The following VAV1 variants were observed in gnomAD, a reference collection of about 807,000 sequenced individuals.
The protein encoded by VAV1 is proto-oncogene vav.
In VAV1, 33 loss-of-function variants were observed where a neutral mutation model predicts 128.1. The ratio of observed to expected loss-of-function variants is 0.26; its 90% confidence interval spans 0.20 to 0.34. The LOEUF (loss-of-function observed/expected upper bound fraction) is 0.34, where lower values mean the gene tolerates loss of function less well. Among genes scored for constraint, VAV1 ranks in the 10% least tolerant of loss-of-function variants. VAV1 has a pLI of 1.00. For missense variants in VAV1, 715 were observed against 1,093.7 expected, an observed-to-expected ratio of 0.65 and a Z score of 4.88; for synonymous variants, 394 against 409.8, an observed-to-expected ratio of 0.96 and a Z score of 0.47.
chr19:6,773,641 G>A (rs1040267097), intron 1 of VAV1, among the ~76,000 whole-genome samples: 3 of 152,186 alleles, frequency 2.0e-5, no homozygotes, highest in African/African-American at 4.8e-5. Flanking sequence ...TCAGAGAGTG[G>A]GTCCTGAGGT....
Position 6,828,336 on chromosome 19 carries a change from G to A in VAV1, c.1024-83G>A. 4.4e-6 allele frequency: 7 copies of A among 1,576,412 alleles called. No homozygotes were observed. Among genetic ancestry groups the A allele is most frequent in the East Asian group, 4.5e-5 (2 of 44,652 alleles). On this transcript the variant is annotated intron_variant, in intron 10 of 26. Coordinates refer to ENST00000602142, the MANE Select transcript of VAV1 (RefSeq NM_005428.4). The surrounding 1 kb of genome is among the most constrained non-coding windows in gnomAD (Gnocchi z 4.5). ...GGTCAGCAGTACGATGGAGGAGCTGGTGAGCTAGCATTGTTTGGAAGGCCC... is the reference window on the plus strand; with the variant it reads ...GGTCAGCAGTACGATGGAGGAGCTGATGAGCTAGCATTGTTTGGAAGGCCC...
chr19:6,799,147 T>C (rs1298117991), intron 1 of VAV1, among the ~76,000 whole-genome samples: 3 of 152,058 alleles, frequency 2.0e-5, no homozygotes, highest in Non-Finnish European at 4.4e-5. Context: ...CATTCATCCC[T>C]TGATGGAGGT....
chr19:6,789,593 C>CT (rs559220122), intron 1 of VAV1, among the ~76,000 whole-genome samples: 10 of 149,988 alleles, frequency 6.7e-5, no homozygotes, highest in African/African-American at 2.2e-4. Flanking sequence ...TTTTCTTTCC[C>CT]TCCTTCCTTC....
chr19:6,805,259 T>C (rs1971366463), intron 1 of VAV1, among the ~76,000 whole-genome samples: 1 of 150,328 alleles, frequency 6.7e-6, no homozygotes, highest in Non-Finnish European at 1.5e-5. Flanking sequence ...ACCCCGTCTC[T>C]ACTAAAAATA....
Position 6,828,286 on chromosome 19 carries a change from A to T in VAV1, c.1023+115A>T. ...TCTCTAGGACGCTCGGGGATGGGTC[A>T]CTGGGGTCATGTCTCAGCCTCCAGG... On this transcript the variant is annotated intron_variant, in intron 10 of 26. Transcript: ENST00000602142. This position sits in a 1 kb window ranked among gnomAD's most constrained non-coding sequence, Gnocchi z 4.5. 6.6e-7 allele frequency: 1 copy of T among 1,504,522 alleles called. No individual in the cohort carries two copies. Among genetic ancestry groups the T allele is most frequent in the South Asian group, 1.2e-5 (1 of 85,420 alleles). The allele number at this position is 1,504,522 out of a possible 1,614,324, so 93.2% of individuals were successfully genotyped here.
chr19:6,796,137 T>C (rs1272670980), intron 1 of VAV1, among the ~76,000 whole-genome samples: 1 of 152,152 alleles, frequency 6.6e-6, no homozygotes, highest in Admixed American at 6.6e-5. Flanking sequence ...CTCAACACCA[T>C]TGCATTGGGG....
chr19:6,773,666 G>A (rs1490506575), intron 1 of VAV1, among the ~76,000 whole-genome samples: 2 of 152,200 alleles, frequency 1.3e-5, no homozygotes, highest in Non-Finnish European at 2.9e-5. Flanking sequence ...GTGCTTGGAA[G>A]AGCTGCATTT....
intron 14 of VAV1, among the ~76,000 whole-genome samples, chr19:6,831,147 C>T (rs896899804): frequency 1.3e-5 from 2 of 152,030 alleles, no homozygotes; most frequent in African/African-American, 2.4e-5. Flanking sequence ...GGAGGGGGAG[C>T]TATCTTACCT....
Position 6,822,091 on chromosome 19 carries a change from A to G in VAV1, c.450-130A>G, listed in dbSNP as rs539409401. 38 of 1,043,306 alleles carry G rather than the reference A, an allele frequency of 3.6e-5. No homozygotes were observed. The highest frequency in any genetic ancestry group is 3.5e-4 in the Admixed American group (16 of 45,446). The allele number at this position is 1,043,306 out of a possible 1,614,324, so 64.6% of individuals were successfully genotyped here. A position where few individuals can be genotyped will look rare whatever the true frequency, so the allele number is the denominator to read the frequency against. On this transcript the variant is annotated intron_variant, in intron 4 of 26. Coordinates refer to ENST00000602142, the MANE Select transcript of VAV1 (RefSeq NM_005428.4). The surrounding 1 kb of genome is among the most constrained non-coding windows in gnomAD (Gnocchi z 5.9). ...GCCCTGCCCTGGAGCTTGGAGGGAC[A>G]TGGCCTGCCCTTGGAGTCTGAGGTC...
intron 1 of VAV1, among the ~76,000 whole-genome samples, chr19:6,786,587 A>G (rs1221443869): frequency 1.3e-5 from 2 of 152,278 alleles, no homozygotes; most frequent in South Asian, 4.1e-4. Context: ...GTTTGAGATC[A>G]GCCTGGGCAT....
intron 1 of VAV1, among the ~76,000 whole-genome samples, chr19:6,790,795 A>G (rs1456005859): frequency 6.6e-6 from 1 of 152,240 alleles, no homozygotes; most frequent in African/African-American, 2.4e-5. Flanking sequence ...GGGGTGGATT[A>G]TGCAGAGATT....
chr19:6,812,206 C>G (rs950805646), intron 1 of VAV1, among the ~76,000 whole-genome samples: 4 of 152,134 alleles, frequency 2.6e-5, no homozygotes, highest in African/African-American at 9.7e-5. Flanking sequence ...GGCCTCTGCC[C>G]GAGGTAGACA....
rs548640895 is a variant in VAV1 at position 6,849,495 on chromosome 19, TG to T, written c.2130-1169del. Among the ~76,000 whole-genome samples, 4 of 100,932 alleles carry T rather than the reference TG, an allele frequency of 4.0e-5. No homozygotes were observed. The South Asian group carries it at 1.6e-3, about 41-fold the overall frequency. The allele number at this position is 100,932 out of a possible 152,430, so 66.2% of individuals were successfully genotyped here. ...TTAGTAGAGACAGTGGGGTGGGGGG[TG>T]GGGGGAAAGTTTCACCATGTTGGCC... On this transcript the variant is annotated intron_variant, in intron 23 of 26. Coordinates refer to ENST00000602142, the MANE Select transcript of VAV1 (RefSeq NM_005428.4).
At chr19:6,837,986 C>G (rs554062564) in intron 21 of VAV1, among the ~76,000 whole-genome samples, 11 of 152,252 alleles carry the variant, frequency 7.2e-5, no homozygotes, top group African/African-American at 2.2e-4. Context: ...GGTTTCTCCA[C>G]TGTCAAGTTA....
chr19:6,828,306 T>C lies in VAV1; in HGVS notation c.1024-113T>C. 2.0e-6 allele frequency: 3 copies of C among 1,530,434 alleles called. No individual in the cohort carries two copies. Among genetic ancestry groups the C allele is most frequent in the Non-Finnish European group, 2.7e-6 (3 of 1,114,532 alleles). The allele number at this position is 1,530,434 out of a possible 1,614,324, so 94.8% of individuals were successfully genotyped here. A position where few individuals can be genotyped will look rare whatever the true frequency, so the allele number is the denominator to read the frequency against. ...GGGTCACTGGGGTCATGTCTCAGCC[T>C]CCAGGGTCAGCAGTACGATGGAGGA... On this transcript the variant is annotated intron_variant, in intron 10 of 26. Coordinates refer to ENST00000602142, the MANE Select transcript of VAV1 (RefSeq NM_005428.4). This position sits in a 1 kb window ranked among gnomAD's most constrained non-coding sequence, Gnocchi z 4.5.
In VAV1 at chr19:6,821,857, C is replaced by A. The variant is rs375229186; in HGVS notation, c.447C>A (p.Ile149=). The part of the protein sequence containing the change: ...EDIYSGLSDQ[I]DDTVEEDEDL... Reference sequence around the variant, plus strand: ...TCTACAGTGGCCTGTCCGACCAGATCGAGTGAGTGCTCAGGCCTGTGGCCG... The same window carrying A: ...TCTACAGTGGCCTGTCCGACCAGATAGAGTGAGTGCTCAGGCCTGTGGCCG... Residue 149 remains isoleucine, a splice_region_variant and synonymous_variant, in exon 4 of 27, where the codon ATC becomes ATA. Transcript: ENST00000602142. 10 of 1,614,134 alleles carry A rather than the reference C, an allele frequency of 6.2e-6. No individual in the cohort carries two copies. In the South Asian group the frequency reaches 1.1e-4, roughly 18 times the overall value.
intron 21 of VAV1, among the ~76,000 whole-genome samples, chr19:6,839,698 AC>A (rs1972324103): frequency 6.6e-6 from 1 of 151,952 alleles, no homozygotes; most frequent in Non-Finnish European, 1.5e-5. Flanking sequence ...TAACAATGTA[AC>A]CTTTTTTTTG....
At chr19:6,816,285 G>A (rs1484505715) in intron 1 of VAV1, among the ~76,000 whole-genome samples, 1 of 152,054 alleles carries the variant, frequency 6.6e-6, no homozygotes, top group Non-Finnish European at 1.5e-5. Flanking sequence ...TTCCCAAAAT[G>A]CTGGGATTAC....
rs1972824759 is a variant in VAV1 at position 6,857,230 on chromosome 19, C to A, written c.*123C>A. ...AGACTTTGGGATGGACTGGAGGAGG[C>A]CAGCGTCCAGCTGGCGGTGCTCCCG... is the stretch of plus-strand genomic sequence containing the variant. On this transcript the variant is annotated 3_prime_UTR_variant, in exon 27 of 27. Transcript: ENST00000602142. The A allele has an allele frequency of 7.5e-7, 1 of 1,340,016 alleles. No homozygotes were observed. The highest frequency in any genetic ancestry group is 1.0e-6 in the Non-Finnish European group (1 of 980,400). 83.0% of individuals were successfully genotyped at this position (1,340,016 alleles called of 1,614,324 possible). A position where few individuals can be genotyped will look rare whatever the true frequency, so the allele number is the denominator to read the frequency against.
Sources: gnomAD v4.1 joint callset for allele counts (sites outside exome capture counted in the v4.1 genomes callset) on GRCh38, gnomAD v4.1.1 for gene constraint, Gnocchi (gnomAD v3.1) non-coding constraint, MANE v1.5 for transcripts, NCBI Gene and HGNC (gene_info 2026-07-23, HGNC 2026-07-21) for gene names.